Variants in COL21A1 observed in about 807,000 individuals in gnomAD.
The protein encoded by COL21A1 is collagen type XXI alpha 1 chain.
In COL21A1, 149 loss-of-function variants were observed where a neutral mutation model predicts 137.9. The observed-to-expected ratio is 1.08, with a 90% CI of 0.95 to 1.24. COL21A1 has a LOEUF of 1.24. Ranked by LOEUF, COL21A1 falls within the 50% of genes most tolerant of loss-of-function variation. COL21A1 has a pLI of 0.00. For synonymous variants in COL21A1, 456 were observed against 391.5 expected, an observed-to-expected ratio of 1.16 and a Z score of -1.95; for missense variants, 1,167 against 1,158.4, an observed-to-expected ratio of 1.01 and a Z score of -0.11.
At chr6:56,328,300 G>A (rs73450719) in intron 1 of COL21A1, among the ~76,000 whole-genome samples, 27,650 of 151,854 alleles carry the variant, frequency 0.18, 3,748 homozygotes, top group African/African-American at 0.38. Context: ...TCTCAAATTT[G>A]ATAATACAAT....
At chr6:56,078,186 T>G (rs1437811424) in intron 17 of COL21A1, 3 of 455,748 alleles carry the variant, frequency 6.6e-6, no homozygotes. Context: ...CATATGCACA[T>G]GTCTGTAGCA....
intron 1 of COL21A1, among the ~76,000 whole-genome samples, chr6:56,300,910 A>G (rs1301991197): frequency 6.6e-6 from 1 of 152,182 alleles, no homozygotes; most frequent in Non-Finnish European, 1.5e-5. Context: ...AAACCTATCA[A>G]ATAGTCTTTC....
At chr6:56,098,582 TATAA>T (rs1770003138) in intron 17 of COL21A1, among the ~76,000 whole-genome samples, 2 of 45,264 alleles carry the variant, frequency 4.4e-5, no homozygotes, top group African/African-American at 1.1e-4. Context: ...TATAAATATA[TATAA>T]ATATATAAAT....
intron 1 of COL21A1, among the ~76,000 whole-genome samples, chr6:56,278,447 T>C (rs1763719320): frequency 6.6e-6 from 1 of 152,174 alleles, no homozygotes; most frequent in Non-Finnish European, 1.5e-5. Context: ...CATTCTCTCA[T>C]TCTGTGTGGC....
intron 17 of COL21A1, among the ~76,000 whole-genome samples, chr6:56,092,412 C>A (rs556447728): frequency 1.8e-3 from 278 of 152,132 alleles, no homozygotes; most frequent in African/African-American, 6.3e-3. Flanking sequence ...CATTAAGTAT[C>A]ATCCATTTAA....
chr6:56,115,714 T>C (rs958559646), intron 16 of COL21A1, among the ~76,000 whole-genome samples: 5 of 152,108 alleles, frequency 3.3e-5, no homozygotes, highest in Non-Finnish European at 7.4e-5. Flanking sequence ...AATAGAAATA[T>C]GTAACCTTTA....
intron 10 of COL21A1, among the ~76,000 whole-genome samples, chr6:56,154,224 T>C (rs1238561090): frequency 6.6e-6 from 1 of 152,154 alleles, no homozygotes; most frequent in African/African-American, 2.4e-5. Context: ...ACTCACACTC[T>C]CATCTTGTGA....
At chr6:56,137,180 C>A (rs1235986270) in intron 12 of COL21A1, among the ~76,000 whole-genome samples, 1 of 152,134 alleles carries the variant, frequency 6.6e-6, no homozygotes, top group African/African-American at 2.4e-5. Context: ...ATTTACTTCA[C>A]AATTAATCTA....
At chr6:56,305,483 T>A (rs926015743) in intron 1 of COL21A1, among the ~76,000 whole-genome samples, 1 of 152,210 alleles carries the variant, frequency 6.6e-6, no homozygotes, top group African/African-American at 2.4e-5. Flanking sequence ...TTTACCATTA[T>A]GTAATGGCCT....
chr6:56,211,244 TATATATAATGA>T (rs1780160049), intron 1 of COL21A1, among the ~76,000 whole-genome samples: 1 of 143,898 alleles, frequency 6.9e-6, no homozygotes, highest in African/African-American at 2.6e-5. Context: ...TATGTATATG[TATATATAATGA>T]AAGGATAGGC....
intron 1 of COL21A1, among the ~76,000 whole-genome samples, chr6:56,353,240 G>C (rs190484309): frequency 1.1e-4 from 17 of 152,302 alleles, no homozygotes; most frequent in African/African-American, 4.1e-4. Context: ...TCTGAAGCTA[G>C]ATAAGAAGAG....
intron 1 of COL21A1, among the ~76,000 whole-genome samples, chr6:56,274,443 G>A (rs1306866887): frequency 6.6e-6 from 1 of 152,186 alleles, no homozygotes; most frequent in Non-Finnish European, 1.5e-5. Flanking sequence ...CTTTGCTGAT[G>A]ATATGATTCT....
At chr6:56,235,027 C>T (rs149228366) in intron 1 of COL21A1, among the ~76,000 whole-genome samples, 1 of 151,902 alleles carries the variant, frequency 6.6e-6, no homozygotes, top group East Asian at 1.9e-4. Context: ...TCCTACTAGG[C>T]AAGTTATATT....
chr6:56,124,373 A>T, intron 14 of COL21A1, 81 bp from the exon 15 acceptor site: 1 of 1,283,356 alleles, frequency 7.8e-7, no homozygotes, highest in East Asian at 2.5e-5. Context: ...TAGAAAAGCT[A>T]CTAAGTTAAC....
At chr6:56,096,503 G>A (rs1165481151) in intron 17 of COL21A1, among the ~76,000 whole-genome samples, 2 of 152,136 alleles carry the variant, frequency 1.3e-5, no homozygotes, top group Non-Finnish European at 2.9e-5. Context: ...AGTTAATTAG[G>A]TATAATTTAC....
chr6:56,107,673 T>A (rs1181285395), intron 16 of COL21A1, among the ~76,000 whole-genome samples: 1 of 151,166 alleles, frequency 6.6e-6, no homozygotes, highest in African/African-American at 2.4e-5. Context: ...GAGACAAGGG[T>A]TTTATAGGTA....
chr6:56,176,636 G>C (rs892142425), intron 3 of COL21A1, among the ~76,000 whole-genome samples: 1 of 149,688 alleles, frequency 6.7e-6, no homozygotes, highest in Non-Finnish European at 1.5e-5. Flanking sequence ...AAAGAGGGAG[G>C]GGGGGAAGGA....
At chr6:56,318,027 T>C (rs771707981) in intron 1 of COL21A1, among the ~76,000 whole-genome samples, 4 of 152,184 alleles carry the variant, frequency 2.6e-5, no homozygotes, top group Non-Finnish European at 5.9e-5. Flanking sequence ...TTAAGTACCA[T>C]GTGCAAAAAG....
At chr6:56,236,989 T>C (rs1781943503) in intron 1 of COL21A1, among the ~76,000 whole-genome samples, 1 of 152,094 alleles carries the variant, frequency 6.6e-6, no homozygotes, top group Admixed American at 6.6e-5. Context: ...CTCAACTCCC[T>C]ATTGAAAACA....
Sources: gnomAD v4.1 joint callset for allele counts (sites outside exome capture counted in the v4.1 genomes callset) on GRCh38, gnomAD v4.1.1 for gene constraint, MANE v1.5 for transcripts, NCBI Gene and HGNC (gene_info 2026-07-23, HGNC 2026-07-21) for gene names.